The following KCNAB2 variants were observed in gnomAD, a reference collection of about 807,000 sequenced individuals.
KCNAB2 encodes the protein voltage-gated potassium channel subunit beta-2.
KCNAB2 carries 29 observed loss-of-function variants against 63.6 expected under a neutral mutation model. That is an observed-to-expected ratio of 0.46 (90% CI 0.34 to 0.62). KCNAB2 has a LOEUF of 0.62. Among genes scored for constraint, KCNAB2 ranks in the 20% least tolerant of loss-of-function variants. KCNAB2 has a pLI of 0.01. For missense variants in KCNAB2, 359 were observed against 563.9 expected, an observed-to-expected ratio of 0.64 and a Z score of 3.68; for synonymous variants, 222 against 224.2, an observed-to-expected ratio of 0.99 and a Z score of 0.09.
intron 2 of KCNAB2, among the ~76,000 whole-genome samples, chr1:6,068,582 A>C (rs1432711433): frequency 6.6e-6 from 1 of 152,134 alleles, no homozygotes; most frequent in Non-Finnish European, 1.5e-5. Flanking sequence ...CTGTAGGATG[A>C]GGTGCAGTTT....
At chr1:6,063,270 G>A (rs2100602892) in intron 2 of KCNAB2, among the ~76,000 whole-genome samples, 1 of 151,942 alleles carries the variant, frequency 6.6e-6, no homozygotes, top group East Asian at 1.9e-4. Flanking sequence ...CGATCCACCT[G>A]CCTCAGCCTC....
intron 2 of KCNAB2, among the ~76,000 whole-genome samples, chr1:6,060,901 CAAAA>C (rs58592769): frequency 1.5e-4 from 13 of 85,184 alleles, no homozygotes; most frequent in African/African-American, 3.5e-4. Flanking sequence ...GACTCCGTCT[CAAAA>C]AAAAAAAAAA....
At chr1:6,082,712 A>G (rs1158572251) in intron 5 of KCNAB2, among the ~76,000 whole-genome samples, 1 of 152,160 alleles carries the variant, frequency 6.6e-6, no homozygotes, top group African/African-American at 2.4e-5. Context: ...TTTCCTGCTC[A>G]ATTATGTAAA....
Position 6,005,794 on chromosome 1 carries a change from G to A in KCNAB2, c.-53+13006G>A, listed in dbSNP as rs565742034. 9.6e-4 allele frequency among the ~76,000 whole-genome samples: 146 copies of A among 151,940 alleles called. 1 individual carries two copies. The highest frequency in any genetic ancestry group is 3.3e-3 in the African/African-American group (135 of 41,382). On this transcript the variant is annotated intron_variant, in intron 1 of 16. Coordinates refer to the KCNAB2 transcript ENST00000341524. ...TGGGGGTCTCCCTGCCCAGGATGCC[G>A]GCCGGAGTTTCCCCTGGCAGGGACC...
At chr1:6,037,060 C>T (rs924193565) in intron 1 of KCNAB2, among the ~76,000 whole-genome samples, 3 of 152,194 alleles carry the variant, frequency 2.0e-5, no homozygotes, top group African/African-American at 7.2e-5. Flanking sequence ...CTCTGGCCTG[C>T]TTAGACTCCT....
At chr1:6,033,680 A>C (rs919116914), upstream of KCNAB2, among the ~76,000 whole-genome samples, 1 of 152,172 alleles carries the variant, frequency 6.6e-6, no homozygotes, top group African/African-American at 2.4e-5. Context: ...GTTGGTAGGA[A>C]GAAAGAAAAT....
chr1:6,077,670 C>T (rs2100685673), intron 4 of KCNAB2, among the ~76,000 whole-genome samples: 1 of 152,320 alleles, frequency 6.6e-6, no homozygotes, highest in Non-Finnish European at 1.5e-5. Flanking sequence ...GCGCCGAGCC[C>T]TTTGTTCTTA....
chr1:6,085,337 CG>C, intron 6 of KCNAB2, 89 bp downstream of exon 6: 1 of 1,136,248 alleles, frequency 8.8e-7, no homozygotes, highest in Non-Finnish European at 1.3e-6. Context: ...CGTGCAGTGT[CG>C]TAAGGCCCGC....
chr1:6,000,031 C>T (rs756615208), intron 1 of KCNAB2, among the ~76,000 whole-genome samples: 2 of 150,168 alleles, frequency 1.3e-5, no homozygotes, highest in Non-Finnish European at 3.0e-5. Context: ...CTGCGCCGTC[C>T]GTGCCCCGTC....
intron 6 of KCNAB2, 70 bp downstream of exon 6, chr1:6,085,318 T>G: frequency 7.0e-7 from 1 of 1,423,032 alleles, no homozygotes; most frequent in Non-Finnish European, 9.9e-7. Context: ...GTCAGCCTCG[T>G]CGGCCTGTCG....
intron 4 of KCNAB2, among the ~76,000 whole-genome samples, chr1:6,079,395 C>T (rs1347231465): frequency 6.6e-6 from 1 of 152,140 alleles, no homozygotes; most frequent in African/African-American, 2.4e-5. Context: ...TGGCATGCAC[C>T]TGTAGTCCAG....
rs552113196 is a variant in KCNAB2, at chr1:6,069,373, G to T, written c.219-3382G>T. ...TCATTTCCCGGAGCCTTCCAGCTCCGGCCCTTCCCAAGTCTGAAGTGCAGT... is the reference window on the plus strand; with the variant it reads ...TCATTTCCCGGAGCCTTCCAGCTCCTGCCCTTCCCAAGTCTGAAGTGCAGT... On this transcript the variant is annotated intron_variant, in intron 2 of 15. Transcript: ENST00000378083. The surrounding 1 kb of genome is among the most constrained non-coding windows in gnomAD (Gnocchi z 5.4). 6.6e-6 allele frequency among the ~76,000 whole-genome samples: 1 copy of T among 152,074 alleles called. No individual in the cohort carries two copies. Among genetic ancestry groups the T allele is most frequent in the Non-Finnish European group, 1.5e-5 (1 of 68,014 alleles).
rs1659044979 is a variant in KCNAB2 at position 6,024,869 on chromosome 1, T to C, written c.-52-15648T>C. 6.6e-6 allele frequency among the ~76,000 whole-genome samples: 1 copy of C among 152,192 alleles called. No homozygotes were observed. Among genetic ancestry groups the C allele is most frequent in the Non-Finnish European group, 1.5e-5 (1 of 68,040 alleles). On this transcript the variant is annotated intron_variant, in intron 1 of 16. Coordinates refer to the KCNAB2 transcript ENST00000341524. The surrounding 1 kb of genome is among the most constrained non-coding windows in gnomAD (Gnocchi z 5.4). The stretch of plus-strand genomic sequence containing the variant: ...GACACACCTAGGCTCTGGTTCCAGC[T>C]TTGCCACTAATTTCACCAAGCGACC...
intron 5 of KCNAB2, among the ~76,000 whole-genome samples, chr1:6,083,275 C>T (rs1425800710): frequency 6.6e-6 from 1 of 152,310 alleles, no homozygotes; most frequent in East Asian, 1.9e-4. Flanking sequence ...CCGAGAGGCA[C>T]CTCCCGTCCC....
chr1:6,063,700 C>G (rs1176259705), intron 2 of KCNAB2, among the ~76,000 whole-genome samples: 1 of 152,200 alleles, frequency 6.6e-6, no homozygotes, highest in East Asian at 1.9e-4. Flanking sequence ...CATGAGCCAC[C>G]ACACTGGACA....
chr1:6,072,713 CCT>C, intron 2 of KCNAB2, 40 bp from the exon 3 acceptor site: 1 of 1,609,726 alleles, frequency 6.2e-7, no homozygotes. Flanking sequence ...CTGGCAGGGT[CCT>C]GCCTGGGTGC....
chr1:6,066,744 T>G (rs2100623679), intron 2 of KCNAB2, among the ~76,000 whole-genome samples: 1 of 152,324 alleles, frequency 6.6e-6, no homozygotes, highest in African/African-American at 2.4e-5. Flanking sequence ...TGAGGGACTG[T>G]GGGGTGAACC....
chr1:5,993,377 T>C (rs1168460841), intron 1 of KCNAB2, among the ~76,000 whole-genome samples: 1 of 145,282 alleles, frequency 6.9e-6, no homozygotes. Flanking sequence ...TCCCCAAGAC[T>C]GTGACCCTGC....
chr1:6,000,004 C>A (rs1439295694), intron 1 of KCNAB2, among the ~76,000 whole-genome samples: 1 of 151,272 alleles, frequency 6.6e-6, no homozygotes, highest in Admixed American at 6.6e-5. Flanking sequence ...GCTGTCTGCA[C>A]CCTCTCTGCA....
Sources: allele counts gnomAD v4.1 joint callset (sites outside exome capture counted in the v4.1 genomes callset), GRCh38; gene constraint gnomAD v4.1.1; non-coding constraint Gnocchi (gnomAD v3.1); transcripts MANE v1.5; gene names NCBI Gene and HGNC (gene_info 2026-07-23, HGNC 2026-07-21).